Variants in HS6ST3 observed in about 807,000 individuals in gnomAD.
HS6ST3 encodes the protein heparan sulfate 6-O-sulfotransferase 3, also known as heparan-sulfate 6-O-sulfotransferase 3.
Under a neutral mutation model 36.7 loss-of-function variants are expected in HS6ST3, and 12 were observed. The observed-to-expected ratio is 0.33, with a 90% CI of 0.21 to 0.53. The LOEUF is 0.53. Among genes scored for constraint, HS6ST3 ranks in the 20% least tolerant of loss-of-function variants. The pLI is 0.95. For synonymous variants in HS6ST3, 240 were observed against 257.5 expected, an observed-to-expected ratio of 0.93 and a Z score of 0.65; for missense variants, 584 against 640.9, an observed-to-expected ratio of 0.91 and a Z score of 0.96.
chr13:96,415,876 T>A (rs1481785681), intron 1 of HS6ST3, among the ~76,000 whole-genome samples: 1 of 152,228 alleles, frequency 6.6e-6, no homozygotes, highest in Admixed American at 6.5e-5. Context: ...GTGTTTGGGA[T>A]CTGTAAAGCA....
intron 1 of HS6ST3, among the ~76,000 whole-genome samples, chr13:96,486,744 T>G (rs2055917080): frequency 6.6e-6 from 1 of 152,128 alleles, no homozygotes; most frequent in Non-Finnish European, 1.5e-5. Context: ...TTAGGAGCTC[T>G]TGGATAATAG....
intron 1 of HS6ST3, among the ~76,000 whole-genome samples, chr13:96,457,249 A>C (rs1431730691): frequency 6.6e-6 from 1 of 152,148 alleles, no homozygotes; most frequent in Non-Finnish European, 1.5e-5. Context: ...AAAATACTTA[A>C]TGGAAGCAGT....
At chr13:96,617,690 A>G (rs2056479425) in intron 1 of HS6ST3, among the ~76,000 whole-genome samples, 1 of 152,202 alleles carries the variant, frequency 6.6e-6, no homozygotes, top group African/African-American at 2.4e-5. Context: ...TCTCTAGGTC[A>G]GTGGTTGGCA....
At position 96,837,841 on chromosome 13, in the gene HS6ST3, A is replaced by G. The variant is rs1878969901; in HGVS notation, c.*4643A>G. ...AATCAATATAAACCCGCCCCCACCA[A>G]CCAAAAAAAAAAAAAGAAAGAAAAC... On this transcript the variant is annotated 3_prime_UTR_variant, in exon 2 of 2. Transcript: ENST00000376705. 1 of 146,578 alleles carries G rather than the reference A, an allele frequency of 6.8e-6. No individual in the cohort carries two copies. The highest frequency in any genetic ancestry group is 2.7e-5 in the African/African-American group (1 of 37,678). The allele number at this position is 146,578 out of a possible 1,614,324, so 9.1% of individuals were successfully genotyped here.
At chr13:96,319,016 GT>G in intron 1 of HS6ST3, among the ~76,000 whole-genome samples, 1 of 152,196 alleles carries the variant, frequency 6.6e-6, no homozygotes, top group East Asian at 1.9e-4. Flanking sequence ...ATGGTTTTTA[GT>G]CTATTCACAG....
rs1446927952 is a variant in HS6ST3, at chr13:96,833,601, T to A, written c.*403T>A. ...CTGCTGAAACTGGTCTATGTCATAC[T>A]GTCTCCTGTTATGAGAATATCAGTT... On this transcript the variant is annotated 3_prime_UTR_variant, in exon 2 of 2. Coordinates refer to ENST00000376705, the MANE Select transcript of HS6ST3 (RefSeq NM_153456.4). The A allele has an allele frequency of 7.4e-5, 13 of 175,774 alleles. No individual in the cohort carries two copies. The highest frequency in any genetic ancestry group is 1.2e-4 in the Non-Finnish European group (10 of 82,240). 10.9% of individuals were successfully genotyped at this position (175,774 alleles called of 1,614,324 possible).
At chr13:96,280,168 C>T (rs149859805) in intron 1 of HS6ST3, among the ~76,000 whole-genome samples, 1 of 152,182 alleles carries the variant, frequency 6.6e-6, no homozygotes, top group East Asian at 1.9e-4. Context: ...TCTGCAAAAG[C>T]GATGTGTCAC....
chr13:96,714,681 A>G (rs1875647469), intron 1 of HS6ST3, among the ~76,000 whole-genome samples: 1 of 152,164 alleles, frequency 6.6e-6, no homozygotes, highest in Non-Finnish European at 1.5e-5. Flanking sequence ...ATATTGATAC[A>G]TAAGTAGATA....
At chr13:96,791,578 TATTTGGAAAAATAATACCCCC>T (rs1342399285) in intron 1 of HS6ST3, among the ~76,000 whole-genome samples, 1 of 152,058 alleles carries the variant, frequency 6.6e-6, no homozygotes, top group Admixed American at 6.6e-5. Flanking sequence ...TAATGTGTGT[TATTTGGAAAAATAATACCCCC>T]ATTGTCATTC....
intron 1 of HS6ST3, among the ~76,000 whole-genome samples, chr13:96,338,443 C>A (rs1390215818): frequency 6.6e-6 from 1 of 152,196 alleles, no homozygotes; most frequent in Non-Finnish European, 1.5e-5. Context: ...CAGAATCCTT[C>A]TTTCTTTCTG....
chr13:96,274,075 G>A lies in HS6ST3; in HGVS notation c.707+182506G>A, dbSNP rs376833013. 1.3e-4 allele frequency among the ~76,000 whole-genome samples: 19 copies of A among 147,652 alleles called. 1 individual carries two copies. The highest frequency in any genetic ancestry group is 9.6e-4 in the Admixed American group (14 of 14,540). On this transcript the variant is annotated intron_variant, in intron 1 of 1. Coordinates refer to ENST00000376705, the MANE Select transcript of HS6ST3 (RefSeq NM_153456.4). ...CTTTCTTTCTTTCAGACAGGGTTTT[G>A]CTCTGTCCCCCAGGCTGTAGTGCAG... is the stretch of plus-strand genomic sequence containing the variant.
intron 1 of HS6ST3, among the ~76,000 whole-genome samples, chr13:96,776,176 G>A (rs1877382885): frequency 2.0e-5 from 3 of 152,086 alleles, no homozygotes; most frequent in Non-Finnish European, 1.5e-5. Context: ...GAATCTCTGG[G>A]ATGCAGCTAA....
chr13:96,543,253 A>G (rs193204593), intron 1 of HS6ST3, among the ~76,000 whole-genome samples: 18 of 152,254 alleles, frequency 1.2e-4, no homozygotes, highest in African/African-American at 4.3e-4. Context: ...TACTTCAGTC[A>G]TCCTCCCCCA....
At position 96,190,223 on chromosome 13, in the gene HS6ST3, GT is replaced by G. The variant is rs1216656712; in HGVS notation, c.707+98655del. On this transcript the variant is annotated intron_variant, in intron 1 of 1. Coordinates refer to ENST00000376705, the MANE Select transcript of HS6ST3 (RefSeq NM_153456.4). ...CAATAAATACTTAGAAGTGTTTACT[GT>G]GTTGTAGGTACTGTTCTAGGTGCCA... 7.2e-5 allele frequency among the ~76,000 whole-genome samples: 11 copies of G among 152,322 alleles called. No individual in the cohort carries two copies. In the East Asian group the frequency reaches 2.1e-3, roughly 29 times the overall value.
At chr13:96,381,410 G>GTATCTATCTATCTATCTATC (rs78957056) in intron 1 of HS6ST3, among the ~76,000 whole-genome samples, 2,718 of 138,618 alleles carry the variant, frequency 0.02, 33 homozygotes, top group East Asian at 0.043. Context: ...ATGTATCTAT[G>GTATCTATCTATCTATCTATC]TATCTATCTA....
At chr13:96,256,981 T>C (rs966115358) in intron 1 of HS6ST3, among the ~76,000 whole-genome samples, 2 of 152,202 alleles carry the variant, frequency 1.3e-5, no homozygotes, top group Admixed American at 6.5e-5. Flanking sequence ...ATTTGGGATC[T>C]GGTTTAACAT....
chr13:96,643,865 G>A lies in HS6ST3; in HGVS notation c.708-188625G>A, dbSNP rs112542470. ...CAGAAATGAGGGAGGAGGTGGATGG[G>A]CATAGGGCAAGTTAAAATAACATAC... On this transcript the variant is annotated intron_variant, in intron 1 of 1. Transcript: ENST00000376705. 4.8e-4 allele frequency among the ~76,000 whole-genome samples: 73 copies of A among 151,972 alleles called. 2 individuals carry two copies. The highest frequency in any genetic ancestry group is 1.7e-3 in the African/African-American group (70 of 41,504).
intron 1 of HS6ST3, among the ~76,000 whole-genome samples, chr13:96,170,784 T>C (rs2054183645): frequency 6.6e-6 from 1 of 152,170 alleles, no homozygotes; most frequent in Non-Finnish European, 1.5e-5. Context: ...TTGTGAAAGC[T>C]CAAAAACCAA....
At chr13:96,636,803 G>A (rs1442174588) in intron 1 of HS6ST3, among the ~76,000 whole-genome samples, 2 of 152,146 alleles carry the variant, frequency 1.3e-5, no homozygotes, top group African/African-American at 2.4e-5. Context: ...GACGAGGGCA[G>A]GAGTTCAGTA....
Sources: allele counts gnomAD v4.1 joint callset (sites outside exome capture counted in the v4.1 genomes callset), GRCh38; gene constraint gnomAD v4.1.1; transcripts MANE v1.5; gene names NCBI Gene and HGNC (gene_info 2026-07-23, HGNC 2026-07-21).